STXBP5L: variants seen among roughly 807,000 people sequenced by gnomAD.
The protein encoded by STXBP5L is syntaxin binding protein 5L.
A neutral mutation model predicts 144.5 loss-of-function variants in STXBP5L; 65 were observed. The ratio of observed to expected loss-of-function variants is 0.45; its 90% confidence interval spans 0.37 to 0.55. STXBP5L has a LOEUF of 0.55. STXBP5L is among the 20% of genes least tolerant of loss of function. The pLI, the probability that STXBP5L is intolerant of heterozygous loss-of-function variation, is 0.00. For synonymous variants in STXBP5L, 505 were observed against 469.6 expected (o/e 1.08, Z -0.97); for missense variants, 1,298 against 1,405.5 (o/e 0.92, Z 1.22).
At chr3:120,913,262 C>T (rs2107554967) in intron 2 of STXBP5L, among the ~76,000 whole-genome samples, 1 of 152,016 alleles carries the variant, frequency 6.6e-6, no homozygotes, top group Admixed American at 6.5e-5. Flanking sequence ...TATACACTAT[C>T]TAGCTGGCCA....
chr3:121,148,757 G>A (rs1439064539), intron 7 of STXBP5L, among the ~76,000 whole-genome samples: 1 of 151,858 alleles, frequency 6.6e-6, no homozygotes, highest in African/African-American at 2.4e-5. Context: ...ATATCCTATG[G>A]ATCAATATAC....
At chr3:121,373,697 C>T (rs566015222) in intron 20 of STXBP5L, among the ~76,000 whole-genome samples, 1 of 152,260 alleles carries the variant, frequency 6.6e-6, no homozygotes, top group East Asian at 1.9e-4. Context: ...GATCAGCCTG[C>T]CTGCCCTACT....
chr3:121,077,736 AG>A (rs1294059883), intron 5 of STXBP5L, among the ~76,000 whole-genome samples: 3 of 152,216 alleles, frequency 2.0e-5, no homozygotes, highest in South Asian at 2.1e-4. Flanking sequence ...CTAGACACAA[AG>A]GTTCTCCACG....
intron 18 of STXBP5L, among the ~76,000 whole-genome samples, chr3:121,261,488 T>C (rs2050379615): frequency 1.3e-5 from 2 of 152,214 alleles, no homozygotes; most frequent in Admixed American, 6.5e-5. Flanking sequence ...GTTGTAAGTC[T>C]ATATCATTTA....
chr3:121,094,482 A>G (rs1439668910), intron 5 of STXBP5L, among the ~76,000 whole-genome samples: 1 of 152,004 alleles, frequency 6.6e-6, no homozygotes, highest in Non-Finnish European at 1.5e-5. Flanking sequence ...TATATTTAGG[A>G]TAGTTAGCTC....
At chr3:121,293,825 C>G (rs1207214355) in intron 19 of STXBP5L, among the ~76,000 whole-genome samples, 1 of 152,224 alleles carries the variant, frequency 6.6e-6, no homozygotes, top group African/African-American at 2.4e-5. Flanking sequence ...GGTGCCATTG[C>G]ACTCCAGCTT....
intron 2 of STXBP5L, among the ~76,000 whole-genome samples, chr3:120,922,113 TG>T (rs1709388581): frequency 6.6e-6 from 1 of 152,080 alleles, no homozygotes; most frequent in Non-Finnish European, 1.5e-5. Context: ...TCTTTCCACT[TG>T]TTTGTGTCCT....
chr3:120,966,211 C>T (rs56950485), intron 3 of STXBP5L, among the ~76,000 whole-genome samples: 2,826 of 152,272 alleles, frequency 0.019, 89 homozygotes, highest in African/African-American at 0.065. Flanking sequence ...AGCTTCCTTG[C>T]AATGGGTTCA....
chr3:121,041,161 A>T (rs1947125390), intron 3 of STXBP5L, among the ~76,000 whole-genome samples: 1 of 146,888 alleles, frequency 6.8e-6, no homozygotes. Context: ...TTTATTTTCC[A>T]GTTTTCTCGT....
chr3:121,200,323 G>A lies in STXBP5L; in HGVS notation c.878-5600G>A, dbSNP rs1577192993. ...AGTTTGTATTTCTATGTGATCAGTG[G>A]TGATATCCCCTTTATCATTTCTTAT... On this transcript the variant is annotated intron_variant, in intron 9 of 26. Coordinates refer to ENST00000471454, the MANE Select transcript of STXBP5L (RefSeq NM_001308330.2). Among the ~76,000 whole-genome samples the A allele has an allele frequency of 3.3e-5, 5 of 152,208 alleles. No individual in the cohort carries two copies. The South Asian group carries it at 1.0e-3, about 32-fold the overall frequency.
At chr3:121,213,134 T>C (rs1175132390) in intron 10 of STXBP5L, among the ~76,000 whole-genome samples, 1 of 152,240 alleles carries the variant, frequency 6.6e-6, no homozygotes, top group Non-Finnish European at 1.5e-5. Flanking sequence ...GTTTTCTAAA[T>C]ATGCAATCAT....
chr3:120,996,896 T>G (rs1348859118), intron 3 of STXBP5L, among the ~76,000 whole-genome samples: 1 of 152,158 alleles, frequency 6.6e-6, no homozygotes, highest in Non-Finnish European at 1.5e-5. Context: ...ACAGATTATA[T>G]CATCACTCAG....
chr3:121,209,030 G>C (rs551106945), intron 10 of STXBP5L, among the ~76,000 whole-genome samples: 111 of 152,076 alleles, frequency 7.3e-4, no homozygotes, highest in Middle Eastern at 3.4e-3. Flanking sequence ...TTGGTTTTCT[G>C]TTCCGGTGTT....
intron 18 of STXBP5L, among the ~76,000 whole-genome samples, chr3:121,264,820 A>AG (rs1405740880): frequency 6.6e-5 from 10 of 151,902 alleles, no homozygotes; most frequent in African/African-American, 2.4e-4. Flanking sequence ...AAAAAAAAAA[A>AG]AAGATTGCAA....
intron 3 of STXBP5L, among the ~76,000 whole-genome samples, chr3:120,995,579 A>G (rs982990558): frequency 6.6e-6 from 1 of 150,824 alleles, no homozygotes; most frequent in Admixed American, 6.6e-5. Flanking sequence ...TTTCTTAATG[A>G]TTTCTCTCGG....
intron 7 of STXBP5L, among the ~76,000 whole-genome samples, chr3:121,127,832 G>A (rs991468327): frequency 1.3e-5 from 2 of 151,902 alleles, no homozygotes; most frequent in Non-Finnish European, 2.9e-5. Flanking sequence ...CTTCTGGTCA[G>A]CAGAAGTACC....
intron 18 of STXBP5L, among the ~76,000 whole-genome samples, chr3:121,274,890 T>C (rs1349301811): frequency 6.6e-6 from 1 of 152,124 alleles, no homozygotes; most frequent in Non-Finnish European, 1.5e-5. Flanking sequence ...AGGGGCAGGA[T>C]GCAGAGCAGT....
chr3:121,220,697 C>T (rs2048947613), intron 10 of STXBP5L, among the ~76,000 whole-genome samples: 1 of 152,010 alleles, frequency 6.6e-6, no homozygotes. Context: ...TTCTGCTCGA[C>T]AACTACCAAG....
chr3:120,936,541 T>G (rs13316005), intron 2 of STXBP5L, among the ~76,000 whole-genome samples: 15,098 of 152,152 alleles, frequency 0.099, 1,178 homozygotes, highest in Admixed American at 0.2. Context: ...TTTTTTTCTG[T>G]GTCCTTGTTT....
Sources: allele counts gnomAD v4.1 joint callset (sites outside exome capture counted in the v4.1 genomes callset), GRCh38; gene constraint gnomAD v4.1.1; transcripts MANE v1.5; gene names NCBI Gene and HGNC (gene_info 2026-07-23, HGNC 2026-07-21).